Variants in SEMA3D observed in about 807,000 individuals in gnomAD.
SEMA3D encodes the protein semaphorin-3D.
A neutral mutation model predicts 100.1 loss-of-function variants in SEMA3D; 84 were observed. The observed-to-expected ratio is 0.84, with a 90% CI of 0.70 to 1.01. SEMA3D has a LOEUF of 1.01. SEMA3D is among the 50% of genes least tolerant of loss of function. The pLI, the probability that SEMA3D is intolerant of heterozygous loss-of-function variation, is 0.00. For missense variants in SEMA3D, 875 were observed against 934.1 expected, an observed-to-expected ratio of 0.94 and a Z score of 0.82; for synonymous variants, 312 against 320.7, an observed-to-expected ratio of 0.97 and a Z score of 0.29.
At chr7:85,062,247 G>T (rs184381789) in intron 8 of SEMA3D, among the ~76,000 whole-genome samples, 243 of 152,214 alleles carry the variant, frequency 1.6e-3, no homozygotes, top group Non-Finnish European at 2.8e-3. Context: ...CAATAAAATA[G>T]CACTTTAAAA....
At chr7:85,129,451 A>T (rs1789663869) in intron 2 of SEMA3D, among the ~76,000 whole-genome samples, 1 of 152,158 alleles carries the variant, frequency 6.6e-6, no homozygotes, top group Non-Finnish European at 1.5e-5. Flanking sequence ...GGAAAAATTG[A>T]AATTTTTTTG....
the SEMA3D span, among the ~76,000 whole-genome samples, chr7:85,226,158 T>C: frequency 6.6e-6 from 1 of 152,142 alleles, no homozygotes; most frequent in Non-Finnish European, 1.5e-5. Flanking sequence ...ACATGTTTTA[T>C]TCACTCTCTC....
At chr7:85,058,370 T>G (rs1204843284) in intron 8 of SEMA3D, among the ~76,000 whole-genome samples, 1 of 152,164 alleles carries the variant, frequency 6.6e-6, no homozygotes, top group Non-Finnish European at 1.5e-5. Flanking sequence ...TCACGAATAC[T>G]TGGTTTTGAT....
At chr7:85,209,117 T>C in the SEMA3D span, among the ~76,000 whole-genome samples, 1 of 152,014 alleles carries the variant, frequency 6.6e-6, no homozygotes, top group Non-Finnish European at 1.5e-5. Context: ...GCATAGTATA[T>C]AGTATGAAAT....
At chr7:85,197,429 A>T in the SEMA3D span, among the ~76,000 whole-genome samples, 1,025 of 152,192 alleles carry the variant, frequency 6.7e-3, 16 homozygotes, top group African/African-American at 0.024. Flanking sequence ...AAAATGTTTA[A>T]ATTTACCTGT....
At chr7:85,054,107 C>T (rs1416509266) in intron 9 of SEMA3D, among the ~76,000 whole-genome samples, 1 of 151,896 alleles carries the variant, frequency 6.6e-6, no homozygotes, top group East Asian at 1.9e-4. Flanking sequence ...TTCTTTAATA[C>T]ACTCTGAGAT....
the SEMA3D span, among the ~76,000 whole-genome samples, chr7:85,237,030 C>T: frequency 6.6e-6 from 1 of 152,028 alleles, no homozygotes; most frequent in Non-Finnish European, 1.5e-5. Flanking sequence ...AAAATCAAAC[C>T]AAGAAATTGA....
At chr7:85,080,738 C>G (rs532605808) in intron 5 of SEMA3D, among the ~76,000 whole-genome samples, 2 of 152,098 alleles carry the variant, frequency 1.3e-5, no homozygotes, top group African/African-American at 4.8e-5. Flanking sequence ...AGGAGCCAGT[C>G]AGAGCCATAG....
intron 3 of SEMA3D, among the ~76,000 whole-genome samples, chr7:85,100,299 A>AGT (rs1408821677): frequency 6.8e-6 from 1 of 145,990 alleles, no homozygotes; most frequent in Non-Finnish European, 1.5e-5. Context: ...TGGAGTCTTC[A>AGT]GTGTTGATTT....
intron 1 of SEMA3D, among the ~76,000 whole-genome samples, chr7:85,177,564 CAG>C (rs1302356895): frequency 6.6e-6 from 1 of 152,008 alleles, no homozygotes; most frequent in African/African-American, 2.4e-5. Flanking sequence ...ATAGCAAAGA[CAG>C]ATGTAAAAAA....
intron 3 of SEMA3D, among the ~76,000 whole-genome samples, chr7:85,098,192 A>C (rs766015162): frequency 5.3e-5 from 8 of 151,860 alleles, no homozygotes; most frequent in Non-Finnish European, 1.0e-4. Flanking sequence ...GAATACATAC[A>C]GCATAAAAGG....
At chr7:85,191,904 A>T (rs188549508), upstream of SEMA3D, among the ~76,000 whole-genome samples, 2 of 152,272 alleles carry the variant, frequency 1.3e-5, no homozygotes, top group East Asian at 3.9e-4. Flanking sequence ...TTTGTTTTGG[A>T]TAGACTTAAA....
At chr7:85,224,191 T>A in the SEMA3D span, among the ~76,000 whole-genome samples, 1 of 152,198 alleles carries the variant, frequency 6.6e-6, no homozygotes, top group Non-Finnish European at 1.5e-5. Flanking sequence ...CACACAGGTC[T>A]ACTTATAAAA....
chr7:85,068,431 T>C (rs1791685761), intron 6 of SEMA3D, 147 bp from the exon 7 acceptor site: 7 of 579,970 alleles, frequency 1.2e-5, no homozygotes, highest in South Asian at 1.1e-4. Context: ...CTCCTTAACT[T>C]TTTAGCAAAT....
intron 17 of SEMA3D, among the ~76,000 whole-genome samples, chr7:85,009,166 GGA>G (rs1272144713): frequency 4.6e-5 from 7 of 151,282 alleles, no homozygotes; most frequent in South Asian, 4.2e-4. Flanking sequence ...AGATAATTGT[GGA>G]GTTTTTTTTT....
intron 2 of SEMA3D, among the ~76,000 whole-genome samples, chr7:85,136,178 C>A (rs1351562980): frequency 2.0e-5 from 3 of 152,010 alleles, no homozygotes; most frequent in Non-Finnish European, 4.4e-5. Context: ...CTTTGGAATG[C>A]CAATGAAGAG....
chr7:85,061,769 G>A (rs1282456959), intron 8 of SEMA3D, among the ~76,000 whole-genome samples: 8 of 152,120 alleles, frequency 5.3e-5, no homozygotes, highest in African/African-American at 1.9e-4. Context: ...CTGTGGACTG[G>A]GGAACTCCTG....
At chr7:85,225,493 G>A in the SEMA3D span, among the ~76,000 whole-genome samples, 1 of 151,870 alleles carries the variant, frequency 6.6e-6, no homozygotes. Flanking sequence ...GTGGCCTGGT[G>A]TGTGGGGCAT....
chr7:85,208,143 A>G, the SEMA3D span, among the ~76,000 whole-genome samples: 7 of 151,968 alleles, frequency 4.6e-5, no homozygotes, highest in Non-Finnish European at 8.8e-5. Flanking sequence ...ATTAATTTAC[A>G]TAATTGCATT....
Sources: gnomAD v4.1 joint callset for allele counts (sites outside exome capture counted in the v4.1 genomes callset) on GRCh38, gnomAD v4.1.1 for gene constraint, MANE v1.5 for transcripts, NCBI Gene and HGNC (gene_info 2026-07-23, HGNC 2026-07-21) for gene names.